CSMD1: variants seen among roughly 807,000 people sequenced by gnomAD.
The protein encoded by CSMD1 is CUB and Sushi multiple domains 1.
CSMD1 carries 213 observed loss-of-function variants against 417.5 expected under a neutral mutation model. That is an observed-to-expected ratio of 0.51 (90% CI 0.46 to 0.57). CSMD1 has a LOEUF of 0.57. Ranked by LOEUF, CSMD1 falls within the 20% of genes least tolerant of loss-of-function variation. The probability of loss-of-function intolerance (pLI) is 0.00; values close to 1 mark genes in which losing one functional copy is unlikely to be tolerated. For synonymous variants in CSMD1, 2,862 were observed against 1,736.8 expected (o/e 1.65, Z -16.11); for missense variants, 6,923 against 4,529.7 (o/e 1.53, Z -15.17).
intron 3 of CSMD1, among the ~76,000 whole-genome samples, chr8:4,198,585 G>C (rs114784924): frequency 6.6e-6 from 1 of 152,072 alleles, no homozygotes; most frequent in African/African-American, 2.4e-5. Flanking sequence ...ATTTTTCAGC[G>C]CCTTTGATTT....
At chr8:3,512,727 G>C (rs1271130253) in intron 10 of CSMD1, among the ~76,000 whole-genome samples, 1 of 151,232 alleles carries the variant, frequency 6.6e-6, no homozygotes, top group African/African-American at 2.4e-5. Flanking sequence ...TCCTGCCTCA[G>C]CTTCCCAAGT....
chr8:4,362,772 A>C (rs1354434140), intron 3 of CSMD1, among the ~76,000 whole-genome samples: 2 of 152,186 alleles, frequency 1.3e-5, no homozygotes, highest in African/African-American at 4.8e-5. Context: ...TTTAGTTTTT[A>C]AGTTAAATTT....
intron 1 of CSMD1, among the ~76,000 whole-genome samples, chr8:4,817,033 G>A (rs1228858964): frequency 6.6e-6 from 1 of 152,178 alleles, no homozygotes; most frequent in African/African-American, 2.4e-5. Context: ...GCAGGGAAAT[G>A]CGTGTTAAGA....
chr8:4,636,873 T>C (rs1030721742), intron 2 of CSMD1, among the ~76,000 whole-genome samples: 3 of 152,084 alleles, frequency 2.0e-5, no homozygotes, highest in African/African-American at 7.2e-5. Context: ...TACAAGAGGA[T>C]TGTAAAATGC....
At chr8:3,052,818 G>A (rs968355839) in intron 49 of CSMD1, among the ~76,000 whole-genome samples, 171 bp from the exon 50 acceptor site, 1 of 131,122 alleles carries the variant, frequency 7.6e-6, no homozygotes, top group African/African-American at 2.9e-5. Context: ...GTTTTGTGCT[G>A]TCTCCCAGGC....
At position 2,941,460 on chromosome 8, in the gene CSMD1, G is replaced by T. The variant is rs556617306; in HGVS notation, c.10535+1012C>A. On this transcript the variant is annotated intron_variant, in intron 69 of 69. Coordinates refer to ENST00000635120, the MANE Select transcript of CSMD1 (RefSeq NM_033225.6). ...GATCATAATTTATTTCTTATTATTT[G>T]TAGTTAATGCTACCATTTCAAATAG... 3.9e-4 allele frequency among the ~76,000 whole-genome samples: 60 copies of T among 152,196 alleles called. No homozygotes were observed. The South Asian group carries it at 0.011, about 28-fold the overall frequency.
chr8:4,326,124 A>G (rs1015141811), intron 3 of CSMD1, among the ~76,000 whole-genome samples: 9 of 152,166 alleles, frequency 5.9e-5, no homozygotes, highest in African/African-American at 1.9e-4. Context: ...CCCTACCGTC[A>G]GCGTTTCTGA....
intron 5 of CSMD1, among the ~76,000 whole-genome samples, chr8:3,856,646 C>T (rs575485387): frequency 6.6e-5 from 10 of 152,228 alleles, no homozygotes; most frequent in South Asian, 2.1e-4. Context: ...CAGCAGTAAA[C>T]GTTTGCACCC....
chr8:4,263,414 G>A (rs921380053), intron 3 of CSMD1, among the ~76,000 whole-genome samples: 12 of 152,106 alleles, frequency 7.9e-5, no homozygotes, highest in African/African-American at 2.9e-4. Flanking sequence ...TTACATTCAG[G>A]TAAACAAAAA....
chr8:4,788,469 C>A, intron 1 of CSMD1: 1 of 1,310,026 alleles, frequency 7.6e-7, no homozygotes, highest in Non-Finnish European at 1.1e-6. Context: ...GCTCAATTTA[C>A]TGCTCAGATA....
At chr8:4,040,148 G>T (rs1367682580) in intron 3 of CSMD1, among the ~76,000 whole-genome samples, 1 of 152,140 alleles carries the variant, frequency 6.6e-6, no homozygotes, top group South Asian at 2.1e-4. Flanking sequence ...TGAGAGTCAA[G>T]GCTATTAATG....
chr8:3,388,896 TA>T (rs1811171606), intron 17 of CSMD1, among the ~76,000 whole-genome samples: 8 of 147,640 alleles, frequency 5.4e-5, no homozygotes, highest in African/African-American at 2.0e-4. Context: ...CACACATGCA[TA>T]CACACACACA....
At chr8:4,668,863 A>T (rs1420832704) in intron 1 of CSMD1, among the ~76,000 whole-genome samples, 1 of 151,688 alleles carries the variant, frequency 6.6e-6, no homozygotes, top group Non-Finnish European at 1.5e-5. Flanking sequence ...TTATCTCTGT[A>T]TTTTCTATTA....
At chr8:4,303,512 G>A (rs540439115) in intron 3 of CSMD1, among the ~76,000 whole-genome samples, 52 of 125,512 alleles carry the variant, frequency 4.1e-4, no homozygotes, top group African/African-American at 1.3e-3. Flanking sequence ...TCTCTAGCAC[G>A]TCTATATTCA....
chr8:3,647,053 G>C (rs2469409), intron 7 of CSMD1, among the ~76,000 whole-genome samples: 28,297 of 152,162 alleles, frequency 0.19, 2,936 homozygotes, highest in East Asian at 0.45. Context: ...TTGCGTGTCA[G>C]CTCAGGTTTT....
At chr8:3,871,948 G>C (rs1341050083) in intron 5 of CSMD1, among the ~76,000 whole-genome samples, 1 of 152,170 alleles carries the variant, frequency 6.6e-6, no homozygotes, top group Non-Finnish European at 1.5e-5. Flanking sequence ...CACAGCCTAA[G>C]TTTTGCCATT....
intron 12 of CSMD1, among the ~76,000 whole-genome samples, chr8:3,467,362 C>CAGCA (rs780402264): frequency 2.0e-5 from 3 of 152,164 alleles, no homozygotes; most frequent in Non-Finnish European, 2.9e-5. Flanking sequence ...CTACCAAAGG[C>CAGCA]AGCAGCAAAT....
intron 8 of CSMD1, among the ~76,000 whole-genome samples, chr8:3,613,978 T>G (rs1802017184): frequency 6.6e-6 from 1 of 151,864 alleles, no homozygotes; most frequent in Admixed American, 6.6e-5. Context: ...TAAAAATCCT[T>G]TTATTTGTAG....
intron 10 of CSMD1, among the ~76,000 whole-genome samples, chr8:3,536,875 G>A (rs145747270): frequency 3.7e-4 from 57 of 152,278 alleles, no homozygotes; most frequent in African/African-American, 1.4e-3. Context: ...AGAATCCCAG[G>A]TAGAGAAAAT....
Sources: allele counts gnomAD v4.1 joint callset (sites outside exome capture counted in the v4.1 genomes callset), GRCh38; gene constraint gnomAD v4.1.1; transcripts MANE v1.5; gene names NCBI Gene and HGNC (gene_info 2026-07-23, HGNC 2026-07-21).